The following SORCS3 variants were observed in gnomAD, a reference collection of about 807,000 sequenced individuals.
SORCS3 encodes VPS10 domain-containing receptor SorCS3.
In SORCS3, 57 loss-of-function variants were observed where a neutral mutation model predicts 146.3. That is an observed-to-expected ratio of 0.39 (90% CI 0.31 to 0.49). SORCS3 has a LOEUF of 0.49. SORCS3 is among the 20% of genes least tolerant of loss of function. SORCS3 has a pLI of 0.92. For missense variants in SORCS3, 1,341 were observed against 1,575.5 expected (o/e 0.85, Z 2.52); for synonymous variants, 653 against 618.5 (o/e 1.06, Z -0.83).
intron 22 of SORCS3, among the ~76,000 whole-genome samples, chr10:105,248,822 G>A (rs192318835): frequency 3.1e-3 from 467 of 152,280 alleles, no homozygotes; most frequent in South Asian, 6.8e-3. Flanking sequence ...AGCTAGGATG[G>A]TTATGTCATA....
chr10:105,129,520 C>G (rs952122930), intron 7 of SORCS3, among the ~76,000 whole-genome samples: 1 of 151,916 alleles, frequency 6.6e-6, no homozygotes, highest in African/African-American at 2.4e-5. Context: ...ATCTATAACA[C>G]TGAAAGTATT....
intron 6 of SORCS3, 147 bp from the exon 7 acceptor site, chr10:105,105,250 A>G (rs2055812777): frequency 8.7e-6 from 5 of 573,414 alleles, no homozygotes; most frequent in Non-Finnish European, 6.2e-6. Flanking sequence ...GGGAATTATT[A>G]TAAATTCTGT....
At chr10:104,910,563 A>G (rs1186228350) in intron 2 of SORCS3, among the ~76,000 whole-genome samples, 1 of 152,242 alleles carries the variant, frequency 6.6e-6, no homozygotes, top group East Asian at 1.9e-4. Flanking sequence ...GTTGGGTGAA[A>G]TAAGCAAGCT....
At chr10:105,209,873 T>C (rs2056623824) in intron 16 of SORCS3, among the ~76,000 whole-genome samples, 1 of 152,206 alleles carries the variant, frequency 6.6e-6, no homozygotes, top group Non-Finnish European at 1.5e-5. Flanking sequence ...TTGGTTCTTC[T>C]TAGCTCTACT....
rs751276214 is a variant in SORCS3, at chr10:105,178,081, G to A, written c.1917G>A (p.Glu639=). Residue 639 remains glutamate, a synonymous_variant, in exon 14 of 27, where the codon GAG becomes GAA. Transcript: ENST00000369701. ...TCCAACACAGGGTGAGTTTTGATGA[G>A]GGCCACTCTTGGGACAAGTATGGTT... The part of the protein sequence containing the change: ...PVRHLWVSFD[E]GHSWDKYGFT... 1.9e-6 allele frequency: 3 copies of A among 1,613,136 alleles called. No individual in the cohort carries two copies. The highest frequency in any genetic ancestry group is 1.7e-5 in the Admixed American group (1 of 59,902).
chr10:104,886,598 CTATCTATCTACA>C (rs1015614830), intron 2 of SORCS3, among the ~76,000 whole-genome samples: 13 of 151,286 alleles, frequency 8.6e-5, no homozygotes, highest in African/African-American at 2.9e-4. Context: ...ATCTATCTAT[CTATCTATCTACA>C]TTCTCCCCTA....
intron 1 of SORCS3, among the ~76,000 whole-genome samples, chr10:104,773,875 A>G (rs552153066): frequency 7.2e-5 from 11 of 152,216 alleles, no homozygotes; most frequent in East Asian, 3.9e-4. Flanking sequence ...TTGTTGCTCA[A>G]TGTGTGGTCC....
chr10:104,859,425 G>A lies in SORCS3; in HGVS notation c.695+16566G>A, dbSNP rs534462656. ...CTTATACAAAAATTAATTCAAGATGGATTAAAGACTTAAACGTTAGACCTA... is the reference window on the plus strand; with the variant it reads ...CTTATACAAAAATTAATTCAAGATGAATTAAAGACTTAAACGTTAGACCTA... On this transcript the variant is annotated intron_variant, in intron 2 of 26. Transcript: ENST00000369701. Among the ~76,000 whole-genome samples the A allele has an allele frequency of 7.2e-5, 11 of 152,230 alleles. No individual in the cohort carries two copies. The East Asian group carries it at 2.1e-3, about 29-fold the overall frequency.
chr10:105,227,748 A>G (rs1220697525), intron 20 of SORCS3, among the ~76,000 whole-genome samples: 1 of 152,026 alleles, frequency 6.6e-6, no homozygotes, highest in Non-Finnish European at 1.5e-5. Context: ...ATATGTTTAG[A>G]ATTATGATAT....
intron 2 of SORCS3, among the ~76,000 whole-genome samples, chr10:104,847,191 C>T (rs1365169755): frequency 6.6e-6 from 1 of 152,120 alleles, no homozygotes; most frequent in Non-Finnish European, 1.5e-5. Context: ...ATTCATGGTC[C>T]TCAATTAGGG....
At chr10:104,775,884 G>A (rs2017302275) in intron 1 of SORCS3, among the ~76,000 whole-genome samples, 1 of 152,190 alleles carries the variant, frequency 6.6e-6, no homozygotes, top group Non-Finnish European at 1.5e-5. Context: ...GAGAGGCATA[G>A]CTACATCTGA....
intron 1 of SORCS3, among the ~76,000 whole-genome samples, chr10:104,776,170 T>C (rs976114153): frequency 6.6e-6 from 1 of 152,088 alleles, no homozygotes; most frequent in Non-Finnish European, 1.5e-5. Context: ...ATATTCCACC[T>C]GGAGGTGAGG....
chr10:105,257,391 A>G (rs968507071), intron 25 of SORCS3, among the ~76,000 whole-genome samples: 1 of 152,196 alleles, frequency 6.6e-6, no homozygotes, highest in African/African-American at 2.4e-5. Flanking sequence ...TTAAATTTGC[A>G]TGCTAAAGAT....
At chr10:105,008,906 C>T (rs185735357) in intron 4 of SORCS3, among the ~76,000 whole-genome samples, 1 of 152,312 alleles carries the variant, frequency 6.6e-6, no homozygotes, top group African/African-American at 2.4e-5. Context: ...CGTGGCCTCT[C>T]AAAGTGCTGC....
rs558297480 is a variant in SORCS3, at chr10:104,645,732, C to T, written c.627+3778C>T. On this transcript the variant is annotated intron_variant, in intron 1 of 26. Transcript: ENST00000369701. Reference sequence around the variant, plus strand: ...TACTAGTAGGTGTAACACAGATTCTCCCAGGCAGGATTTCCTACCCTTAAC... The same window carrying T: ...TACTAGTAGGTGTAACACAGATTCTTCCAGGCAGGATTTCCTACCCTTAAC... Among the ~76,000 whole-genome samples the T allele has an allele frequency of 3.9e-5, 6 of 152,336 alleles. No individual in the cohort carries two copies. The East Asian group carries it at 1.2e-3, about 29-fold the overall frequency.
At chr10:104,690,686 A>G (rs905782816) in intron 1 of SORCS3, among the ~76,000 whole-genome samples, 1 of 152,124 alleles carries the variant, frequency 6.6e-6, no homozygotes, top group African/African-American at 2.4e-5. Flanking sequence ...CTCCTTGTTC[A>G]TCATCATGAG....
intron 7 of SORCS3, among the ~76,000 whole-genome samples, chr10:105,115,759 GA>G (rs936376643): frequency 6.6e-6 from 1 of 152,016 alleles, no homozygotes; most frequent in Non-Finnish European, 1.5e-5. Flanking sequence ...CTATCTTTCT[GA>G]AAAAAACCCT....
chr10:104,693,171 C>G (rs2016134357), intron 1 of SORCS3, among the ~76,000 whole-genome samples: 1 of 152,142 alleles, frequency 6.6e-6, no homozygotes, highest in South Asian at 2.1e-4. Context: ...CCTTGCTTTC[C>G]CCAGCAGAGG....
At chr10:104,705,960 G>A (rs2016331443) in intron 1 of SORCS3, among the ~76,000 whole-genome samples, 1 of 152,232 alleles carries the variant, frequency 6.6e-6, no homozygotes. Flanking sequence ...CAAAAGCCTA[G>A]AACTTAACCA....
Sources: allele counts gnomAD v4.1 joint callset (sites outside exome capture counted in the v4.1 genomes callset), GRCh38; gene constraint gnomAD v4.1.1; transcripts MANE v1.5; gene names NCBI Gene and HGNC (gene_info 2026-07-23, HGNC 2026-07-21).